The following CFAP210 variants were observed in gnomAD, a reference collection of about 807,000 sequenced individuals.
CFAP210 encodes the protein cilia and flagella associated protein 210.
At chr2:169,674,641 T>C in the CFAP210 span, 1 of 1,610,262 alleles carries the variant, frequency 6.2e-7, no homozygotes, top group Non-Finnish European at 8.5e-7. Flanking sequence ...TTTCTTGTTC[T>C]TCTTTAAAAG....
the CFAP210 span, among the ~76,000 whole-genome samples, chr2:169,691,442 C>T: frequency 9.7e-3 from 1,469 of 152,136 alleles, 28 homozygotes; most frequent in African/African-American, 0.034. Flanking sequence ...ACTGCAACTG[C>T]ACAGTTTTAG....
chr2:169,673,201 T>C, the CFAP210 span, among the ~76,000 whole-genome samples: 5 of 152,026 alleles, frequency 3.3e-5, no homozygotes, highest in Admixed American at 3.3e-4. Flanking sequence ...TACTGACACA[T>C]ACTACAAGGA....
the CFAP210 span, among the ~76,000 whole-genome samples, chr2:169,686,188 G>A: frequency 6.6e-6 from 1 of 152,148 alleles, no homozygotes; most frequent in Non-Finnish European, 1.5e-5. Flanking sequence ...TCCAGCCAAT[G>A]AGTGTAGCTT....
At chr2:169,675,028 G>A in the CFAP210 span, 1 of 1,507,710 alleles carries the variant, frequency 6.6e-7, no homozygotes, top group Non-Finnish European at 8.8e-7. Context: ...TCAAGTTTCT[G>A]TTCTTTCATC....
At chr2:169,660,937 G>C in the CFAP210 span, 5 of 463,614 alleles carry the variant, frequency 1.1e-5, no homozygotes, top group Non-Finnish European at 2.1e-5. Flanking sequence ...ACAACTCAAT[G>C]TTCTTCTATA....
At chr2:169,692,524 C>T in the CFAP210 span, among the ~76,000 whole-genome samples, 1 of 151,756 alleles carries the variant, frequency 6.6e-6, no homozygotes, top group African/African-American at 2.4e-5. Context: ...AGAGGGCCAA[C>T]TTTCCCACTT....
chr2:169,648,223 C>A, the CFAP210 span: 1 of 200,220 alleles, frequency 5.0e-6, no homozygotes, highest in Non-Finnish European at 1.0e-5. Context: ...CAAATATTGT[C>A]TGATTCCATT....
chr2:169,668,765 G>A, the CFAP210 span, among the ~76,000 whole-genome samples: 62 of 152,074 alleles, frequency 4.1e-4, no homozygotes, highest in Admixed American at 2.8e-3. Context: ...GGTACAGTTC[G>A]TGGCACCCCA....
the CFAP210 span, among the ~76,000 whole-genome samples, chr2:169,691,214 T>A: frequency 1.7e-4 from 26 of 152,226 alleles, no homozygotes; most frequent in African/African-American, 6.0e-4. Context: ...GTTAATTTTT[T>A]AATTCAGTTA....
At chr2:169,676,531 T>G in the CFAP210 span, among the ~76,000 whole-genome samples, 3 of 145,176 alleles carry the variant, frequency 2.1e-5, no homozygotes, top group Non-Finnish European at 4.6e-5. Context: ...AAAAATCCCA[T>G]CATGTCTTAT....
At chr2:169,677,450 T>G in the CFAP210 span, among the ~76,000 whole-genome samples, 1 of 152,048 alleles carries the variant, frequency 6.6e-6, no homozygotes, top group Non-Finnish European at 1.5e-5. Flanking sequence ...AACTAGAAAA[T>G]AAGAACCTCG....
the CFAP210 span, chr2:169,645,684 G>T: frequency 4.6e-4 from 264 of 573,854 alleles, 1 homozygote; most frequent in Middle Eastern, 5.1e-3. Context: ...TCAAAATTGG[G>T]GTTTTATATA....
chr2:169,654,058 A>G, the CFAP210 span: 5 of 1,598,036 alleles, frequency 3.1e-6, no homozygotes, highest in East Asian at 1.1e-4. Context: ...TTTATTATAC[A>G]CATTATTAAA....
the CFAP210 span, among the ~76,000 whole-genome samples, chr2:169,657,590 G>A: frequency 6.6e-6 from 1 of 152,042 alleles, no homozygotes; most frequent in African/African-American, 2.4e-5. Context: ...TGTGGCACAT[G>A]CCTGTAATCC....
chr2:169,664,055 C>T, the CFAP210 span, among the ~76,000 whole-genome samples: 1 of 150,702 alleles, frequency 6.6e-6, no homozygotes, highest in Non-Finnish European at 1.5e-5. Context: ...AAAATTTGGC[C>T]GGATGTGGTG....
At chr2:169,666,901 C>T in the CFAP210 span, among the ~76,000 whole-genome samples, 54 of 152,076 alleles carry the variant, frequency 3.6e-4, no homozygotes, top group African/African-American at 1.1e-3. Context: ...TTTGCTCATC[C>T]GTAAGAATCA....
At chr2:169,674,575 C>T in the CFAP210 span, 3 of 1,586,222 alleles carry the variant, frequency 1.9e-6, no homozygotes, top group East Asian at 2.3e-5. Flanking sequence ...TGTATACATA[C>T]TGTTTTAGAT....
the CFAP210 span, among the ~76,000 whole-genome samples, chr2:169,670,616 G>C: frequency 6.6e-6 from 1 of 152,112 alleles, no homozygotes; most frequent in African/African-American, 2.4e-5. Flanking sequence ...GTCATCCAAG[G>C]GCTTAAATGA....
chr2:169,652,995 G>A, the CFAP210 span, among the ~76,000 whole-genome samples: 17 of 30,860 alleles, frequency 5.5e-4, no homozygotes, highest in African/African-American at 6.5e-4. Context: ...GCAAGACTCC[G>A]TCTCAAAAAA....
Sources: allele counts gnomAD v4.1 joint callset (sites outside exome capture counted in the v4.1 genomes callset), GRCh38; gene constraint gnomAD v4.1.1; transcripts MANE v1.5; gene names NCBI Gene and HGNC (gene_info 2026-07-23, HGNC 2026-07-21).